KLRF1: variants seen among roughly 807,000 people sequenced by gnomAD.
KLRF1 encodes killer cell lectin like receptor F1, also known as killer cell lectin-like receptor subfamily F member 1.
A neutral mutation model predicts 30.7 loss-of-function variants in KLRF1; 27 were observed. That is an observed-to-expected ratio of 0.88 (90% CI 0.65 to 1.21). The LOEUF (loss-of-function observed/expected upper bound fraction) is 1.21. Among genes scored for constraint, KLRF1 ranks in the 50% most tolerant of loss-of-function variants. The probability of loss-of-function intolerance (pLI) is 0.00; values close to 1 mark genes in which losing one functional copy is unlikely to be tolerated. For synonymous variants in KLRF1, 92 were observed against 89.3 expected (o/e 1.03, Z -0.17); for missense variants, 246 against 259.3 (o/e 0.95, Z 0.35).
upstream of KLRF1, among the ~76,000 whole-genome samples, chr12:9,825,463 G>A (rs1270991688): frequency 6.6e-6 from 1 of 152,154 alleles, no homozygotes; most frequent in Non-Finnish European, 1.5e-5. Flanking sequence ...GCCACATGCT[G>A]AAGATTGAAA....
chr12:9,827,490 T>A lies in KLRF1; in HGVS notation c.-55T>A, dbSNP rs1393005959. 1.1e-6 allele frequency: 1 copy of A among 948,106 alleles called. No individual in the cohort carries two copies. The highest frequency in any genetic ancestry group is 1.6e-6 in the Non-Finnish European group (1 of 617,680). 58.7% of individuals were successfully genotyped at this position (948,106 alleles called of 1,614,324 possible). Reference sequence around the variant, plus strand: ...TTATTATTCTTTCCTCATTTCATGTTATACTTAATAAAACAAAACATACCT... The same window carrying A: ...TTATTATTCTTTCCTCATTTCATGTAATACTTAATAAAACAAAACATACCT... On this transcript the variant is annotated 5_prime_UTR_variant, in exon 1 of 6. The change creates a premature stop within an existing upstream ORF in the 5' untranslated region. Coordinates refer to ENST00000617889, the MANE Select transcript of KLRF1 (RefSeq NM_016523.3).
At chr12:9,843,341 T>C (rs960135169) in intron 5 of KLRF1, among the ~76,000 whole-genome samples, 3 of 152,196 alleles carry the variant, frequency 2.0e-5, no homozygotes, top group African/African-American at 7.2e-5. Flanking sequence ...AGGTGTAAGA[T>C]AATAAATTAG....
chr12:9,821,376 G>A, the KLRF1 span, among the ~76,000 whole-genome samples: 1 of 152,024 alleles, frequency 6.6e-6, no homozygotes, highest in Non-Finnish European at 1.5e-5. Flanking sequence ...ACTAATGAAG[G>A]AGCAAAGACC....
the KLRF1 span, among the ~76,000 whole-genome samples, chr12:9,815,186 G>A: frequency 6.6e-6 from 1 of 152,262 alleles, no homozygotes; most frequent in African/African-American, 2.4e-5. Flanking sequence ...AAATCATGAT[G>A]ATAACAAGAA....
intron 2 of KLRF1, 57 bp from the exon 3 acceptor site, chr12:9,833,246 C>T: frequency 8.2e-7 from 1 of 1,220,470 alleles, no homozygotes; most frequent in South Asian, 1.8e-5. Flanking sequence ...GAATGTGTCC[C>T]TGAAACATTC....
chr12:9,812,257 C>T, the KLRF1 span, among the ~76,000 whole-genome samples: 133 of 150,488 alleles, frequency 8.8e-4, no homozygotes, highest in African/African-American at 3.1e-3. Flanking sequence ...CCCAGCTACT[C>T]GGGAGGCTGA....
At chr12:9,820,985 C>A in the KLRF1 span, among the ~76,000 whole-genome samples, 1 of 152,150 alleles carries the variant, frequency 6.6e-6, no homozygotes, top group Non-Finnish European at 1.5e-5. Flanking sequence ...ACCATACCCA[C>A]TGGTAGTGGC....
chr12:9,824,069 G>A (rs748749112), upstream of KLRF1, among the ~76,000 whole-genome samples: 16 of 152,034 alleles, frequency 1.1e-4, no homozygotes, highest in Admixed American at 6.6e-4. Context: ...CCATTCCCAT[G>A]GAAACTATTC....
the KLRF1 span, among the ~76,000 whole-genome samples, chr12:9,819,549 G>A: frequency 9.2e-5 from 14 of 152,034 alleles, no homozygotes; most frequent in Non-Finnish European, 1.6e-4. Flanking sequence ...TTTTTTTCAC[G>A]TGGGTCTTGG....
the KLRF1 span, among the ~76,000 whole-genome samples, chr12:9,808,541 A>G: frequency 6.6e-6 from 1 of 152,164 alleles, no homozygotes; most frequent in African/African-American, 2.4e-5. Flanking sequence ...CAGGATGGTA[A>G]GAAAACAGTA....
the KLRF1 span, among the ~76,000 whole-genome samples, chr12:9,819,744 A>G: frequency 2.0e-5 from 3 of 152,192 alleles, no homozygotes; most frequent in African/African-American, 7.2e-5. Flanking sequence ...TGAGGCGACT[A>G]GGGACTGGAG....
At chr12:9,842,465 T>C (rs1312039918) in intron 5 of KLRF1, 32 bp downstream of exon 5, 2 of 1,601,472 alleles carry the variant, frequency 1.2e-6, no homozygotes, top group East Asian at 4.5e-5. Context: ...ATCTGATTTA[T>C]TGTTTATTGT....
At position 9,841,771 on chromosome 12, in the gene KLRF1, A is replaced by G. The variant is rs1442290404; in HGVS notation, c.335-41A>G. The G allele has an allele frequency of 4.6e-6, 7 of 1,518,864 alleles. No individual in the cohort carries two copies. In the East Asian group the frequency reaches 6.9e-5, roughly 15 times the overall value. 94.1% of individuals were successfully genotyped at this position (1,518,864 alleles called of 1,614,324 possible). A position where few individuals can be genotyped will look rare whatever the true frequency, so the allele number is the denominator to read the frequency against. On this transcript the variant is annotated intron_variant, in intron 3 of 5. Coordinates refer to ENST00000617889, the MANE Select transcript of KLRF1 (RefSeq NM_016523.3). ...TTATGGCCAATTTTCAGAGATGCAT[A>G]TGTAATTTAATTTCATTTTGTTTTC...
the KLRF1 span, among the ~76,000 whole-genome samples, chr12:9,800,436 T>C: frequency 2.0e-5 from 3 of 152,156 alleles, no homozygotes; most frequent in Admixed American, 2.0e-4. Flanking sequence ...CTTTACCCAA[T>C]ATGTAGTTTT....
At chr12:9,812,535 T>G in the KLRF1 span, among the ~76,000 whole-genome samples, 1 of 152,182 alleles carries the variant, frequency 6.6e-6, no homozygotes, top group Admixed American at 6.5e-5. Flanking sequence ...GTTTTGGCAA[T>G]GCTTTTCAGT....
Position 9,830,094 on chromosome 12 carries a change from A to AGTTTT in KLRF1, c.86-2207_86-2203dup, listed in dbSNP as rs10643734. On this transcript the variant is annotated intron_variant, in intron 1 of 5. Transcript: ENST00000617889. Reference sequence around the variant, plus strand: ...AATTAATGTTACTCAGTTTTCGGTTAGTTTTGTTTTGTTTTGTTTGTATTG... The same window carrying AGTTTT: ...AATTAATGTTACTCAGTTTTCGGTTAGTTTTGTTTTGTTTTGTTTTGTTTGTATTG... 7.3e-3 allele frequency among the ~76,000 whole-genome samples: 1,117 copies of AGTTTT among 152,198 alleles called. 17 individuals are homozygous for AGTTTT. Among genetic ancestry groups the AGTTTT allele is most frequent in the African/African-American group, 0.024 (995 of 41,550 alleles).
At chr12:9,820,080 A>G in the KLRF1 span, among the ~76,000 whole-genome samples, 1 of 152,208 alleles carries the variant, frequency 6.6e-6, no homozygotes, top group African/African-American at 2.4e-5. Context: ...TTTTTATAGC[A>G]GTCACTGATC....
chr12:9,807,371 T>G, the KLRF1 span, among the ~76,000 whole-genome samples: 2 of 152,140 alleles, frequency 1.3e-5, no homozygotes, highest in African/African-American at 4.8e-5. Flanking sequence ...ATTCTGAGTT[T>G]TCCTTATTTC....
At chr12:9,827,706 T>C (rs1242780685) in intron 1 of KLRF1, 77 bp downstream of exon 1, 7 of 785,072 alleles carry the variant, frequency 8.9e-6, no homozygotes, top group Non-Finnish European at 1.3e-5. Flanking sequence ...CATTGTGTTA[T>C]TGGACTGTTT....
Sources: allele counts gnomAD v4.1 joint callset (sites outside exome capture counted in the v4.1 genomes callset), GRCh38; gene constraint gnomAD v4.1.1; transcripts MANE v1.5; gene names NCBI Gene and HGNC (gene_info 2026-07-23, HGNC 2026-07-21).